Variants in ANKS1B observed in about 807,000 individuals in gnomAD.
ANKS1B encodes ankyrin repeat and sterile alpha motif domain containing 1B.
In ANKS1B, 36 loss-of-function variants were observed where a neutral mutation model predicts 148.3. That is an observed-to-expected ratio of 0.24 (90% CI 0.19 to 0.32). The LOEUF is 0.32. Ranked by LOEUF, ANKS1B falls within the 10% of genes least tolerant of loss-of-function variation. The probability of loss-of-function intolerance (pLI) is 1.00; values close to 1 mark genes in which losing one functional copy is unlikely to be tolerated. For synonymous variants in ANKS1B, 542 were observed against 560.8 expected, an observed-to-expected ratio of 0.97 and a Z score of 0.47; for missense variants, 1,157 against 1,542.6, an observed-to-expected ratio of 0.75 and a Z score of 4.19.
intron 11 of ANKS1B, among the ~76,000 whole-genome samples, chr12:99,426,962 C>A (rs1485105857): frequency 6.6e-6 from 1 of 152,136 alleles, no homozygotes; most frequent in African/African-American, 2.4e-5. Context: ...TCTGGACATG[C>A]TTGATTCGTA....
chr12:98,863,348 A>T (rs1195899620), intron 17 of ANKS1B, among the ~76,000 whole-genome samples: 2 of 152,258 alleles, frequency 1.3e-5, no homozygotes, highest in Non-Finnish European at 2.9e-5. Context: ...CAGGCTCTCC[A>T]CAGGCAATGA....
chr12:99,816,044 T>C (rs2069086811), intron 2 of ANKS1B, among the ~76,000 whole-genome samples: 1 of 151,864 alleles, frequency 6.6e-6, no homozygotes, highest in African/African-American at 2.4e-5. Context: ...CTTTTAGTTC[T>C]TTAAGGAATC....
At chr12:98,960,938 G>C (rs181586214) in intron 17 of ANKS1B, among the ~76,000 whole-genome samples, 14 of 152,196 alleles carry the variant, frequency 9.2e-5, no homozygotes, top group East Asian at 3.9e-4. Flanking sequence ...TTGATGACAG[G>C]CTATTTGAAA....
At chr12:99,488,776 A>G (rs1160816184) in intron 10 of ANKS1B, among the ~76,000 whole-genome samples, 4 of 152,154 alleles carry the variant, frequency 2.6e-5, no homozygotes, top group Non-Finnish European at 4.4e-5. Context: ...GAGCATCAAG[A>G]TATTTTCTTT....
At chr12:99,725,487 C>A (rs1352320875) in intron 8 of ANKS1B, among the ~76,000 whole-genome samples, 1 of 152,158 alleles carries the variant, frequency 6.6e-6, no homozygotes, top group Non-Finnish European at 1.5e-5. Context: ...AATACAGGAG[C>A]ACCCAAATTC....
intron 22 of ANKS1B, chr12:98,794,731 G>T: frequency 2.0e-6 from 2 of 989,708 alleles, no homozygotes; most frequent in South Asian, 2.5e-5. Context: ...TCAAATACCA[G>T]TGAGAGCTAT....
intron 17 of ANKS1B, among the ~76,000 whole-genome samples, chr12:98,872,872 C>G (rs182048543): frequency 3.9e-5 from 6 of 152,176 alleles, no homozygotes; most frequent in South Asian, 2.1e-4. Context: ...AACTAATGCA[C>G]TTAACAAACT....
intron 12 of ANKS1B, among the ~76,000 whole-genome samples, chr12:99,289,678 T>G (rs1317668844): frequency 2.0e-5 from 3 of 151,892 alleles, no homozygotes; most frequent in African/African-American, 7.2e-5. Context: ...ACCAGTGAAT[T>G]AATAAAGACA....
chr12:99,203,537 G>A (rs1017198537), intron 14 of ANKS1B, among the ~76,000 whole-genome samples: 18 of 150,914 alleles, frequency 1.2e-4, no homozygotes, highest in African/African-American at 3.4e-4. Context: ...TGCAAGCTCC[G>A]CCCTCCGGGT....
At chr12:99,875,127 T>A (rs1010936453) in intron 1 of ANKS1B, among the ~76,000 whole-genome samples, 1 of 152,108 alleles carries the variant, frequency 6.6e-6, no homozygotes, top group African/African-American at 2.4e-5. Flanking sequence ...AGGCTGAGAA[T>A]CCTTTAAAAG....
At chr12:99,086,290 GAAGGAC>G (rs1214072272) in intron 15 of ANKS1B, among the ~76,000 whole-genome samples, 2 of 152,150 alleles carry the variant, frequency 1.3e-5, no homozygotes, top group Non-Finnish European at 2.9e-5. Flanking sequence ...CCTAAAAGAG[GAAGGAC>G]AATGGGGAAA....
chr12:99,358,808 C>G (rs1165044085), intron 12 of ANKS1B, among the ~76,000 whole-genome samples: 1 of 152,026 alleles, frequency 6.6e-6, no homozygotes, highest in African/African-American at 2.4e-5. Context: ...AATAGAACAA[C>G]AGGTAAAACT....
chr12:98,791,330 CAA>C (rs557408637), intron 22 of ANKS1B, among the ~76,000 whole-genome samples: 52 of 118,104 alleles, frequency 4.4e-4, no homozygotes, highest in Admixed American at 8.0e-4. Context: ...GGGAGACAGT[CAA>C]AAAAAAAAAA....
At chr12:99,183,584 A>G (rs1034697690) in intron 14 of ANKS1B, among the ~76,000 whole-genome samples, 2 of 152,196 alleles carry the variant, frequency 1.3e-5, no homozygotes, top group African/African-American at 4.8e-5. Context: ...CGGAGGTTGC[A>G]GTGAGCTGAG....
intron 9 of ANKS1B, among the ~76,000 whole-genome samples, chr12:99,566,811 T>C (rs138667499): frequency 2.3e-4 from 35 of 152,318 alleles, no homozygotes; most frequent in African/African-American, 7.7e-4. Context: ...TTGCTTATAA[T>C]TTTCTCTGTC....
intron 10 of ANKS1B, among the ~76,000 whole-genome samples, chr12:99,457,143 T>C (rs1359101605): frequency 6.6e-6 from 1 of 152,172 alleles, no homozygotes; most frequent in African/African-American, 2.4e-5. Context: ...CCAAGAATTT[T>C]GTGTCCAGTG....
intron 17 of ANKS1B, among the ~76,000 whole-genome samples, chr12:98,892,433 T>C (rs1209963643): frequency 6.6e-6 from 1 of 152,218 alleles, no homozygotes; most frequent in East Asian, 1.9e-4. Flanking sequence ...CAATGTACTC[T>C]GTCAATTTAT....
At chr12:98,816,057 C>T (rs1407028198) in intron 19 of ANKS1B, among the ~76,000 whole-genome samples, 1 of 152,168 alleles carries the variant, frequency 6.6e-6, no homozygotes, top group African/African-American at 2.4e-5. Context: ...CTTCGTCTTG[C>T]TGTCTGGGTT....
chr12:99,545,205 G>C (rs541615771), intron 9 of ANKS1B, among the ~76,000 whole-genome samples: 1 of 152,186 alleles, frequency 6.6e-6, no homozygotes, highest in South Asian at 2.1e-4. Context: ...AACGAAATTA[G>C]ACTTCTTGCT....
Sources: allele counts gnomAD v4.1 joint callset (sites outside exome capture counted in the v4.1 genomes callset), GRCh38; gene constraint gnomAD v4.1.1; transcripts MANE v1.5; gene names NCBI Gene and HGNC (gene_info 2026-07-23, HGNC 2026-07-21).